Variants in PRKCB observed in about 807,000 individuals in gnomAD.
PRKCB encodes protein kinase C beta, also known as protein kinase C beta type.
In PRKCB, 13 loss-of-function variants were observed where a neutral mutation model predicts 81.5. The observed-to-expected ratio is 0.16, with a 90% CI of 0.10 to 0.25. The LOEUF (loss-of-function observed/expected upper bound fraction) is 0.25. Ranked by LOEUF, PRKCB falls within the 10% of genes least tolerant of loss-of-function variation. PRKCB has a pLI of 1.00. For missense variants in PRKCB, 509 were observed against 875.7 expected (o/e 0.58, Z 5.29); for synonymous variants, 335 against 321.4 (o/e 1.04, Z -0.45).
intron 3 of PRKCB, among the ~76,000 whole-genome samples, chr16:23,994,334 G>C (rs1430268109): frequency 5.3e-5 from 8 of 152,170 alleles, no homozygotes; most frequent in African/African-American, 1.9e-4. Context: ...TATTTCCCCA[G>C]TTCCAGAATG....
chr16:24,173,405 C>T (rs1164110146), intron 11 of PRKCB, among the ~76,000 whole-genome samples: 1 of 152,148 alleles, frequency 6.6e-6, no homozygotes, highest in Non-Finnish European at 1.5e-5. Flanking sequence ...TCATCTAGAA[C>T]CCCACCTTGT....
At chr16:24,030,749 C>A (rs1028154632) in intron 3 of PRKCB, among the ~76,000 whole-genome samples, 1 of 149,730 alleles carries the variant, frequency 6.7e-6, no homozygotes, top group Non-Finnish European at 1.5e-5. Flanking sequence ...ATTAGCTGGG[C>A]AGGTTGGGCA....
chr16:24,220,238 G>C lies in PRKCB; in HGVS notation c.*5422G>C. The C allele has an allele frequency of 1.6e-6, 2 of 1,242,124 alleles. No individual in the cohort carries two copies. Among genetic ancestry groups the C allele is most frequent in the Non-Finnish European group, 2.2e-6 (2 of 896,874 alleles). The allele number at this position is 1,242,124 out of a possible 1,614,324, so 76.9% of individuals were successfully genotyped here. Reference sequence around the variant, plus strand: ...TTCAACATGTGGAAAGCTTGTCTTAGAGGGCTTTTCTTTGTATGTGTAGCT... The same window carrying C: ...TTCAACATGTGGAAAGCTTGTCTTACAGGGCTTTTCTTTGTATGTGTAGCT... On this transcript the variant is annotated 3_prime_UTR_variant, in exon 17 of 17. Coordinates refer to ENST00000643927, the MANE Select transcript of PRKCB (RefSeq NM_002738.7).
chr16:24,145,779 C>A (rs1012814233), intron 9 of PRKCB, among the ~76,000 whole-genome samples: 1 of 152,182 alleles, frequency 6.6e-6, no homozygotes, highest in Admixed American at 6.5e-5. Flanking sequence ...AGTTGAAAAC[C>A]GGAGGTTGGT....
At chr16:23,960,845 T>G (rs1215823552) in intron 2 of PRKCB, among the ~76,000 whole-genome samples, 1 of 152,192 alleles carries the variant, frequency 6.6e-6, no homozygotes, top group Non-Finnish European at 1.5e-5. Context: ...TGTCTGAGAG[T>G]CTGGGGTATC....
At chr16:24,062,492 T>C (rs941534044) in intron 5 of PRKCB, among the ~76,000 whole-genome samples, 5 of 152,228 alleles carry the variant, frequency 3.3e-5, no homozygotes, top group African/African-American at 1.2e-4. Context: ...AAACGAATTG[T>C]TGTTCTTTCC....
intron 2 of PRKCB, among the ~76,000 whole-genome samples, chr16:23,908,763 C>A (rs969682117): frequency 2.0e-5 from 3 of 152,092 alleles, no homozygotes; most frequent in Admixed American, 6.5e-5. Flanking sequence ...CATGATCCAG[C>A]CGCCTCAGCC....
chr16:23,851,411 C>T (rs1597209223), intron 2 of PRKCB, among the ~76,000 whole-genome samples: 1 of 152,272 alleles, frequency 6.6e-6, no homozygotes, highest in East Asian at 1.9e-4. Context: ...AGGTTTATAT[C>T]TGGGCTTTCT....
intron 2 of PRKCB, among the ~76,000 whole-genome samples, chr16:23,985,939 G>A (rs560724017): frequency 6.6e-4 from 100 of 152,258 alleles, no homozygotes; most frequent in Admixed American, 1.5e-3. Context: ...ATATAATAAA[G>A]TTGGCATTTG....
chr16:24,057,905 T>C (rs902169423), intron 5 of PRKCB, among the ~76,000 whole-genome samples: 1 of 152,142 alleles, frequency 6.6e-6, no homozygotes, highest in Non-Finnish European at 1.5e-5. Flanking sequence ...CTTTCTAAAA[T>C]GTAAATCAGG....
chr16:24,113,136 C>A, intron 8 of PRKCB, 67 bp downstream of exon 8: 2 of 1,201,776 alleles, frequency 1.7e-6, no homozygotes, highest in South Asian at 2.8e-5. Context: ...TCCTCCTGCT[C>A]CCTCCTCTTT....
chr16:24,094,594 C>T (rs551246103), intron 7 of PRKCB, among the ~76,000 whole-genome samples: 10 of 152,172 alleles, frequency 6.6e-5, no homozygotes, highest in African/African-American at 1.4e-4. Flanking sequence ...GGTGAAACCC[C>T]ATCTCTATCA....
intron 2 of PRKCB, among the ~76,000 whole-genome samples, chr16:23,889,900 C>A (rs1447141418): frequency 6.6e-6 from 1 of 152,102 alleles, no homozygotes; most frequent in Non-Finnish European, 1.5e-5. Context: ...CTTCCCTTTT[C>A]TTTTTGGCAC....
rs979328758 is a variant in PRKCB, at chr16:24,216,766, A to G, written c.*1950A>G. ...TCTGACAAGTTTAGGCAGTAAGAGA[A>G]GGAGGGAAATCGGAGCAAAGCTCCC... On this transcript the variant is annotated 3_prime_UTR_variant, in exon 17 of 17. Coordinates refer to ENST00000643927, the MANE Select transcript of PRKCB (RefSeq NM_002738.7). The G allele has an allele frequency of 1.7e-5, 17 of 985,476 alleles. No individual in the cohort carries two copies. In the Middle Eastern group the frequency reaches 1.6e-3, roughly 91 times the overall value. The allele number at this position is 985,476 out of a possible 1,614,324, so 61.0% of individuals were successfully genotyped here. A position where few individuals can be genotyped will look rare whatever the true frequency, so the allele number is the denominator to read the frequency against.
chr16:23,897,587 G>T (rs1963399865), intron 2 of PRKCB, among the ~76,000 whole-genome samples: 1 of 152,130 alleles, frequency 6.6e-6, no homozygotes, highest in African/African-American at 2.4e-5. Context: ...TCATCTAGCT[G>T]TCACCTGGCA....
chr16:23,872,097 G>A (rs1471124912), intron 2 of PRKCB, among the ~76,000 whole-genome samples: 1 of 152,088 alleles, frequency 6.6e-6, no homozygotes, highest in Non-Finnish European at 1.5e-5. Flanking sequence ...CTCTTCTTGT[G>A]ACTGCAGGCC....
intron 7 of PRKCB, among the ~76,000 whole-genome samples, chr16:24,097,326 G>C (rs967119507): frequency 6.6e-6 from 1 of 152,052 alleles, no homozygotes; most frequent in African/African-American, 2.4e-5. Flanking sequence ...GTGAGCCTCC[G>C]TGCCCAGCCT....
At chr16:23,922,323 C>T (rs1963837084) in intron 2 of PRKCB, among the ~76,000 whole-genome samples, 1 of 152,110 alleles carries the variant, frequency 6.6e-6, no homozygotes, top group Admixed American at 6.6e-5. Flanking sequence ...GTAATTTTTC[C>T]TCTGTTGGAA....
chr16:23,977,608 A>G (rs1408844340), intron 2 of PRKCB, among the ~76,000 whole-genome samples: 3 of 152,230 alleles, frequency 2.0e-5, no homozygotes, highest in Non-Finnish European at 4.4e-5. Context: ...GTGGTCGCGC[A>G]TACAGAGAAC....
Sources: allele counts gnomAD v4.1 joint callset (sites outside exome capture counted in the v4.1 genomes callset), GRCh38; gene constraint gnomAD v4.1.1; transcripts MANE v1.5; gene names NCBI Gene and HGNC (gene_info 2026-07-23, HGNC 2026-07-21).